Variants in CCND3 observed in about 807,000 individuals in gnomAD.
CCND3 encodes cyclin D3.
A neutral mutation model predicts 28.7 loss-of-function variants in CCND3; 9 were observed. That is an observed-to-expected ratio of 0.31 (90% CI 0.19 to 0.55). CCND3 has a LOEUF of 0.55. CCND3 is among the 20% of genes least tolerant of loss of function. The probability of loss-of-function intolerance (pLI) is 0.93; values close to 1 mark genes in which losing one functional copy is unlikely to be tolerated. For synonymous variants in CCND3, 164 were observed against 163.9 expected (o/e 1.00, Z 0.00); for missense variants, 315 against 385.8 (o/e 0.82, Z 1.54).
At chr6:41,981,725 T>C (rs979799193) in intron 1 of CCND3, among the ~76,000 whole-genome samples, 9 of 151,912 alleles carry the variant, frequency 5.9e-5, no homozygotes, top group Non-Finnish European at 1.0e-4. Context: ...GGTTTCACCA[T>C]GTTGCCCAGG....
Position 42,024,557 on chromosome 6 carries a change from C to A in CCND3, c.-46+23944G>T, listed in dbSNP as rs1449417011. 4.6e-5 allele frequency among the ~76,000 whole-genome samples: 7 copies of A among 152,282 alleles called. No individual in the cohort carries two copies. The East Asian group carries it at 9.6e-4, about 21-fold the overall frequency. On this transcript the variant is annotated intron_variant, in intron 1 of 4. Transcript: ENST00000372988. The stretch of plus-strand genomic sequence containing the variant: ...TGATGAGGAGGGTCCCTCTCCTTAG[C>A]CATGCCACTGGCACTGTTCAGTAGC...
chr6:42,028,773 T>C (rs563493234), intron 1 of CCND3, among the ~76,000 whole-genome samples: 1 of 152,288 alleles, frequency 6.6e-6, no homozygotes, highest in South Asian at 2.1e-4. Context: ...AACAGGGCTG[T>C]TGAGAAGAAG....
At chr6:42,049,952 T>C (rs1470920667), upstream of CCND3, 1 of 152,338 alleles carries the variant, frequency 6.6e-6, no homozygotes, top group East Asian at 1.9e-4. Context: ...CCTGCGAGTG[T>C]AGATGATCTC....
In CCND3 at chr6:41,936,722, A is replaced by T; in HGVS notation, c.575-27T>A. On this transcript the variant is annotated intron_variant, in intron 3 of 4. Coordinates refer to ENST00000372991, the MANE Select transcript of CCND3 (RefSeq NM_001760.5). This position sits in a 1 kb window ranked among gnomAD's most constrained non-coding sequence, Gnocchi z 4.4. ...TTGGAGAGGAGGAAAGGGAACCATG[A>T]GAGAAGGAAACCTGAAGGATAACGG... is the stretch of plus-strand genomic sequence containing the variant. The T allele has an allele frequency of 6.2e-7, 1 of 1,607,334 alleles. No individual in the cohort carries two copies. The highest frequency in any genetic ancestry group is 8.5e-7 in the Non-Finnish European group (1 of 1,175,438).
chr6:42,034,778 G>A (rs1171063016), intron 1 of CCND3, among the ~76,000 whole-genome samples: 2 of 152,142 alleles, frequency 1.3e-5, no homozygotes, highest in Admixed American at 6.6e-5. Context: ...GCGCCTGGCC[G>A]ACTCTGTCTC....
At chr6:42,015,716 T>TA (rs1048208348) in intron 1 of CCND3, among the ~76,000 whole-genome samples, 21 of 145,960 alleles carry the variant, frequency 1.4e-4, no homozygotes, top group East Asian at 1.2e-3. Flanking sequence ...TCTCAAAAAA[T>TA]AAAAAAAAAA....
At chr6:42,043,609 G>A (rs140986754) in intron 1 of CCND3, among the ~76,000 whole-genome samples, 1,914 of 151,834 alleles carry the variant, frequency 0.013, 35 homozygotes, top group African/African-American at 0.044. Flanking sequence ...GAGATGGGGA[G>A]ATCAACTCTG....
At chr6:42,010,070 C>T (rs1210091174) in intron 1 of CCND3, among the ~76,000 whole-genome samples, 1 of 152,108 alleles carries the variant, frequency 6.6e-6, no homozygotes, top group Non-Finnish European at 1.5e-5. Context: ...CCCTCAGGCA[C>T]CCCCATGTTC....
chr6:42,027,989 C>T (rs543173464), intron 1 of CCND3, among the ~76,000 whole-genome samples: 15 of 152,174 alleles, frequency 9.9e-5, no homozygotes, highest in Middle Eastern at 6.3e-3. Context: ...TCAGGTGATC[C>T]GCCCACCTTG....
At chr6:41,950,713 CTT>C (rs760874931) in intron 1 of CCND3, among the ~76,000 whole-genome samples, 8 of 137,126 alleles carry the variant, frequency 5.8e-5, no homozygotes, top group Admixed American at 7.5e-5. Flanking sequence ...TTTTTTTTTT[CTT>C]TTTTTTTTTT....
rs935355844 is a variant in CCND3, at chr6:41,973,721, T to G, written c.-45-33136A>C. On this transcript the variant is annotated intron_variant, in intron 1 of 4. Coordinates refer to the CCND3 transcript ENST00000372988. ...AAAGCCCTGATTTCACTGTCAGATT[T>G]TCTGCCTGGTTTAAATCCTGGTTCG... is the stretch of plus-strand genomic sequence containing the variant. Among the ~76,000 whole-genome samples, 14 of 152,230 alleles carry G rather than the reference T, an allele frequency of 9.2e-5. No individual in the cohort carries two copies. In the South Asian group the frequency reaches 1.9e-3, roughly 20 times the overall value.
chr6:41,959,545 G>A (rs902975051), intron 1 of CCND3, among the ~76,000 whole-genome samples: 12 of 151,776 alleles, frequency 7.9e-5, no homozygotes, highest in East Asian at 5.8e-4. Context: ...TTAGCTGGGC[G>A]TGGTGGTGTG....
intron 1 of CCND3, among the ~76,000 whole-genome samples, chr6:42,008,092 A>C (rs1443567949): frequency 6.6e-6 from 1 of 152,062 alleles, no homozygotes; most frequent in Non-Finnish European, 1.5e-5. Context: ...AAATAGTAGT[A>C]TCTCTTGGCT....
At chr6:42,047,191 C>A (rs1410960190) in intron 1 of CCND3, among the ~76,000 whole-genome samples, 1 of 152,192 alleles carries the variant, frequency 6.6e-6, no homozygotes, top group Non-Finnish European at 1.5e-5. Flanking sequence ...ATCTCAATAA[C>A]TGGCATAGAC....
intron 1 of CCND3, among the ~76,000 whole-genome samples, chr6:41,971,729 G>A (rs1267205442): frequency 6.6e-6 from 1 of 150,898 alleles, no homozygotes; most frequent in Non-Finnish European, 1.5e-5. Flanking sequence ...TAATAGAGAC[G>A]GGGTTTCGCC....
At chr6:42,015,756 A>G (rs1007034305) in intron 1 of CCND3, among the ~76,000 whole-genome samples, 2 of 151,946 alleles carry the variant, frequency 1.3e-5, no homozygotes, top group African/African-American at 4.8e-5. Flanking sequence ...ACAAATAAAA[A>G]TTGTACATAT....
intron 1 of CCND3, among the ~76,000 whole-genome samples, chr6:41,975,757 G>A (rs1239575474): frequency 6.9e-6 from 1 of 145,920 alleles, no homozygotes; most frequent in East Asian, 2.0e-4. Flanking sequence ...TTTTTTTTAA[G>A]TATCGAGGGC....
chr6:41,994,695 A>G (rs4714534), intron 1 of CCND3, among the ~76,000 whole-genome samples: 149,236 of 152,270 alleles, frequency 0.98, 73,193 homozygotes, highest in East Asian at 1. Context: ...TAGTGAGGGA[A>G]GCTGTGCATG....
rs150539982 is a variant in CCND3, at chr6:42,046,077, T to C, written c.-46+2424A>G. Among the ~76,000 whole-genome samples, 179 of 152,296 alleles carry C rather than the reference T, an allele frequency of 1.2e-3. No homozygotes were observed. In the South Asian group the frequency reaches 0.016, roughly 14 times the overall value. ...CAGTTCCCACCCTCGACTCCCAGCA[T>C]CAATACCCATGCCCCCAACACACAT... is the stretch of plus-strand genomic sequence containing the variant. On this transcript the variant is annotated intron_variant, in intron 1 of 4. Coordinates refer to the CCND3 transcript ENST00000372988.
Sources: allele counts gnomAD v4.1 joint callset (sites outside exome capture counted in the v4.1 genomes callset), GRCh38; gene constraint gnomAD v4.1.1; non-coding constraint Gnocchi (gnomAD v3.1); transcripts MANE v1.5; gene names NCBI Gene and HGNC (gene_info 2026-07-23, HGNC 2026-07-21).